NTM: variants seen among roughly 807,000 people sequenced by gnomAD.
NTM encodes the protein IgLON family member 2.
Under a neutral mutation model 42.1 loss-of-function variants are expected in NTM, and 13 were observed. That is an observed-to-expected ratio of 0.31 (90% confidence interval 0.20 to 0.49). NTM has a LOEUF of 0.49. Ranked by LOEUF, NTM falls within the 20% of genes least tolerant of loss-of-function variation. The pLI is 0.99. For synonymous variants in NTM, 187 were observed against 179.2 expected (o/e 1.04, Z -0.35); for missense variants, 373 against 452.8 (o/e 0.82, Z 1.60).
chr11:132,287,302 C>T (rs2094281758), intron 4 of NTM, among the ~76,000 whole-genome samples: 1 of 152,144 alleles, frequency 6.6e-6, no homozygotes, highest in African/African-American at 2.4e-5. Flanking sequence ...TTTCCAAACG[C>T]TTATTTTTCA....
chr11:131,450,011 A>T (rs758856199), intron 1 of NTM, among the ~76,000 whole-genome samples: 2 of 152,200 alleles, frequency 1.3e-5, no homozygotes, highest in Non-Finnish European at 2.9e-5. Flanking sequence ...AGCTAAGGTC[A>T]TGGTTACCTC....
chr11:131,707,135 T>G (rs374028610), intron 1 of NTM, among the ~76,000 whole-genome samples: 2 of 152,152 alleles, frequency 1.3e-5, no homozygotes, highest in East Asian at 3.9e-4. Flanking sequence ...TTGAATACTT[T>G]GGCCAGCATC....
chr11:131,490,799 G>A (rs1158784239), intron 1 of NTM, among the ~76,000 whole-genome samples: 2 of 152,208 alleles, frequency 1.3e-5, no homozygotes, highest in South Asian at 2.1e-4. Flanking sequence ...GTGGCATTGC[G>A]ATGGCAAAAA....
At chr11:131,819,821 G>A (rs2093106647) in intron 1 of NTM, among the ~76,000 whole-genome samples, 2 of 152,188 alleles carry the variant, frequency 1.3e-5, no homozygotes, top group Admixed American at 1.3e-4. Context: ...TTTCCTGTGT[G>A]TCTCTGCCCT....
At chr11:132,041,827 T>G (rs2077245562) in intron 2 of NTM, among the ~76,000 whole-genome samples, 1 of 152,190 alleles carries the variant, frequency 6.6e-6, no homozygotes, top group African/African-American at 2.4e-5. Flanking sequence ...TTTCAGCAAG[T>G]CACTGACCCA....
chr11:131,706,113 T>G (rs1186445021), intron 1 of NTM, among the ~76,000 whole-genome samples: 1 of 151,936 alleles, frequency 6.6e-6, no homozygotes, highest in Non-Finnish European at 1.5e-5. Context: ...TAAGGACAGA[T>G]GTAGGCAGAG....
intron 2 of NTM, among the ~76,000 whole-genome samples, chr11:132,087,545 C>A (rs1291572755): frequency 6.6e-6 from 1 of 152,122 alleles, no homozygotes; most frequent in African/African-American, 2.4e-5. Flanking sequence ...CCCAGTGACC[C>A]ACACCAGACT....
intron 1 of NTM, among the ~76,000 whole-genome samples, chr11:131,732,972 C>T (rs1458278938): frequency 1.3e-5 from 2 of 151,946 alleles, no homozygotes; most frequent in African/African-American, 2.4e-5. Flanking sequence ...GTATGATGTA[C>T]ACATATAATT....
At chr11:131,738,212 T>G (rs992411130) in intron 1 of NTM, among the ~76,000 whole-genome samples, 1 of 152,154 alleles carries the variant, frequency 6.6e-6, no homozygotes, top group Non-Finnish European at 1.5e-5. Context: ...TCCAGGCCAA[T>G]GCAGAGAACT....
intron 2 of NTM, among the ~76,000 whole-genome samples, chr11:131,975,861 TC>T (rs1257764369): frequency 6.6e-6 from 1 of 152,118 alleles, no homozygotes; most frequent in African/African-American, 2.4e-5. Context: ...GCCCAGGATT[TC>T]CTGTCATTTA....
At chr11:132,121,594 C>A (rs929711020) in intron 2 of NTM, among the ~76,000 whole-genome samples, 3 of 152,122 alleles carry the variant, frequency 2.0e-5, no homozygotes, top group Non-Finnish European at 4.4e-5. Flanking sequence ...CCTAAGAAAT[C>A]CTCTCCTGTT....
intron 1 of NTM, among the ~76,000 whole-genome samples, chr11:131,778,835 A>G (rs1337883825): frequency 6.6e-6 from 1 of 152,178 alleles, no homozygotes; most frequent in Non-Finnish European, 1.5e-5. Context: ...CCAGTGTACT[A>G]CTTGATCTTT....
chr11:131,602,326 C>T (rs987739689), intron 1 of NTM, among the ~76,000 whole-genome samples: 4 of 152,250 alleles, frequency 2.6e-5, no homozygotes, highest in Middle Eastern at 3.4e-3. Context: ...GGGTTTCCAT[C>T]GCCATGCAGT....
chr11:131,862,773 A>G (rs1484223327), intron 1 of NTM, among the ~76,000 whole-genome samples: 2 of 152,206 alleles, frequency 1.3e-5, no homozygotes, highest in Non-Finnish European at 2.9e-5. Context: ...AATATGAGTT[A>G]TTGGATGTCT....
chr11:132,058,443 T>C (rs1324353967), intron 2 of NTM, among the ~76,000 whole-genome samples: 1 of 152,182 alleles, frequency 6.6e-6, no homozygotes, highest in African/African-American at 2.4e-5. Context: ...GCACTCCATG[T>C]CTTTCTGTTT....
chr11:131,754,727 T>C (rs2083095489), intron 1 of NTM, among the ~76,000 whole-genome samples: 1 of 152,200 alleles, frequency 6.6e-6, no homozygotes. Flanking sequence ...ACATAGAGAC[T>C]TGTACACAAA....
At chr11:131,782,797 A>G (rs1435663512) in intron 1 of NTM, among the ~76,000 whole-genome samples, 2 of 152,264 alleles carry the variant, frequency 1.3e-5, no homozygotes, top group South Asian at 4.1e-4. Context: ...TGTGATACAA[A>G]CTCTCAGCAA....
At chr11:131,978,902 C>G (rs772780217) in intron 2 of NTM, among the ~76,000 whole-genome samples, 11 of 152,212 alleles carry the variant, frequency 7.2e-5, no homozygotes, top group Non-Finnish European at 1.5e-4. Context: ...ATCAGAAACA[C>G]GTATTAACAT....
At chr11:131,439,617 T>A (rs11222616) in intron 1 of NTM, among the ~76,000 whole-genome samples, 1 of 152,022 alleles carries the variant, frequency 6.6e-6, no homozygotes, top group South Asian at 2.1e-4. Flanking sequence ...GGCCTAGTCA[T>A]GCACGGGATA....
Sources: allele counts gnomAD v4.1 joint callset (sites outside exome capture counted in the v4.1 genomes callset), GRCh38; gene constraint gnomAD v4.1.1; transcripts MANE v1.5; gene names NCBI Gene and HGNC (gene_info 2026-07-23, HGNC 2026-07-21).